KIF21A: variants seen among roughly 807,000 people sequenced by gnomAD.
KIF21A encodes the protein kinesin-like protein KIF21A.
In KIF21A, 114 loss-of-function variants were observed where a neutral mutation model predicts 202.9. That is an observed-to-expected ratio of 0.56 (90% CI 0.48 to 0.66). KIF21A has a LOEUF of 0.66. Ranked by LOEUF, KIF21A falls within the 30% of genes least tolerant of loss-of-function variation. The pLI is 0.00. For missense variants in KIF21A, 1,677 were observed against 1,994.9 expected (o/e 0.84, Z 3.04); for synonymous variants, 667 against 670.8 (o/e 0.99, Z 0.09).
Position 39,395,542 on chromosome 12 carries a change from T to TA in KIF21A, c.45-25282dup, listed in dbSNP as rs1951677670. 5.3e-5 allele frequency among the ~76,000 whole-genome samples: 8 copies of TA among 152,280 alleles called. No individual in the cohort carries two copies. The South Asian group carries it at 1.7e-3, about 32-fold the overall frequency. On this transcript the variant is annotated intron_variant, in intron 1 of 37. Coordinates refer to ENST00000361418, the MANE Select transcript of KIF21A (RefSeq NM_001173464.2). The stretch of plus-strand genomic sequence containing the variant: ...CGACCATAACCTATGTCCTCAGTTA[T>TA]AAAAATCACCCACTTTCAGCCGGGC...
In KIF21A at chr12:39,304,861, T is replaced by C; in HGVS notation, c.4520A>G (p.Gln1507Arg). Reference sequence around the variant, plus strand: ...CTTGGAGCCAGTGATGATTAGATCTTGTCCACTGGAAATCTGATCCACAGT... The same window carrying C: ...CTTGGAGCCAGTGATGATTAGATCTCGTCCACTGGAAATCTGATCCACAGT... ...CLTVDQISSGQDLIITGSKDH... is the reference protein window; with the variant it reads ...CLTVDQISSGRDLIITGSKDH... Residue 1507 changes from glutamine to arginine, a missense_variant, in exon 35 of 38, where the codon CAA becomes CGA. Physicochemically the swap from Gln to Arg is conservative, Grantham distance 43. Coordinates refer to ENST00000361418, the MANE Select transcript of KIF21A (RefSeq NM_001173464.2). 6.2e-7 allele frequency: 1 copy of C among 1,606,602 alleles called. No homozygotes were observed. The highest frequency in any genetic ancestry group is 1.1e-5 in the South Asian group (1 of 90,768).
At chr12:39,347,872 T>C (rs1042661661) in intron 11 of KIF21A, among the ~76,000 whole-genome samples, 2 of 151,984 alleles carry the variant, frequency 1.3e-5, no homozygotes, top group Non-Finnish European at 2.9e-5. Flanking sequence ...TATCCAAAAA[T>C]ATGGGATTTA....
chr12:39,438,639 T>C (rs551838979), intron 1 of KIF21A, among the ~76,000 whole-genome samples: 3 of 152,294 alleles, frequency 2.0e-5, no homozygotes, highest in African/African-American at 7.2e-5. Context: ...AAACTCACTG[T>C]CAAGGATAGG....
intron 6 of KIF21A, among the ~76,000 whole-genome samples, chr12:39,363,500 G>A (rs1317784530): frequency 6.6e-6 from 1 of 152,030 alleles, no homozygotes; most frequent in African/African-American, 2.4e-5. Context: ...AATTATCAGA[G>A]CATCAGGTTA....
At chr12:39,349,182 T>C (rs1565899515) in intron 11 of KIF21A, among the ~76,000 whole-genome samples, 1 of 152,060 alleles carries the variant, frequency 6.6e-6, no homozygotes, top group African/African-American at 2.4e-5. Flanking sequence ...CCTACACCCA[T>C]GAGAGGGAAA....
intron 37 of KIF21A, among the ~76,000 whole-genome samples, chr12:39,299,853 G>A (rs1244465261): frequency 2.0e-5 from 3 of 152,084 alleles, no homozygotes; most frequent in African/African-American, 7.2e-5. Flanking sequence ...TGCAGAAACA[G>A]AGAACCAAAT....
chr12:39,416,895 A>G (rs140049123), intron 1 of KIF21A, among the ~76,000 whole-genome samples: 1,562 of 148,380 alleles, frequency 0.011, 24 homozygotes, highest in African/African-American at 0.024. Flanking sequence ...ATATATGTGT[A>G]TATATATATG....
chr12:39,348,410 G>C (rs556177450), intron 11 of KIF21A, among the ~76,000 whole-genome samples: 1 of 152,024 alleles, frequency 6.6e-6, no homozygotes, highest in Non-Finnish European at 1.5e-5. Context: ...AGCACAAAAA[G>C]GTAGAAGAGC....
intron 37 of KIF21A, 122 bp from the exon 38 acceptor site, chr12:39,294,639 A>G (rs1029535274): frequency 1.1e-5 from 8 of 729,734 alleles, no homozygotes; most frequent in Non-Finnish European, 1.7e-5. Context: ...CCAAGTATAA[A>G]TATGCATTGT....
Position 39,442,854 on chromosome 12 carries a change from C to A in KIF21A, c.44+73G>T. ...TCGCTCCACCCCGGTAGCCGGTGCTCCGCGCCACAGCCAGGTCCTTGCCGC... is the reference window on the plus strand; with the variant it reads ...TCGCTCCACCCCGGTAGCCGGTGCTACGCGCCACAGCCAGGTCCTTGCCGC... On this transcript the variant is annotated intron_variant, in intron 1 of 37. Transcript: ENST00000361418. The surrounding 1 kb of genome is among the most constrained non-coding windows in gnomAD (Gnocchi z 5.0). 1 of 1,502,524 alleles carries A rather than the reference C, an allele frequency of 6.7e-7. No individual in the cohort carries two copies. Among genetic ancestry groups the A allele is most frequent in the South Asian group, 1.2e-5 (1 of 82,092 alleles). The allele number at this position is 1,502,524 out of a possible 1,614,324, so 93.1% of individuals were successfully genotyped here. A position where few individuals can be genotyped will look rare whatever the true frequency, so the allele number is the denominator to read the frequency against.
chr12:39,305,696 G>A (rs1033123275), intron 34 of KIF21A, among the ~76,000 whole-genome samples: 3 of 152,142 alleles, frequency 2.0e-5, no homozygotes, highest in Non-Finnish European at 4.4e-5. Flanking sequence ...TGCAAAAAAT[G>A]ATTAATTTTA....
intron 3 of KIF21A, among the ~76,000 whole-genome samples, chr12:39,369,170 T>A (rs958437681): frequency 6.6e-6 from 1 of 152,132 alleles, no homozygotes; most frequent in African/African-American, 2.4e-5. Context: ...TATCTATTGA[T>A]AAAAATAAGT....
intron 1 of KIF21A, among the ~76,000 whole-genome samples, chr12:39,401,690 G>A (rs576934726): frequency 2.0e-5 from 3 of 152,270 alleles, no homozygotes; most frequent in East Asian, 1.9e-4. Context: ...AACATCTATC[G>A]AAGGCATGTC....
intron 35 of KIF21A, among the ~76,000 whole-genome samples, 200 bp from the exon 36 acceptor site, chr12:39,303,335 G>T (rs1398104415): frequency 2.6e-5 from 4 of 151,770 alleles, no homozygotes; most frequent in Non-Finnish European, 5.9e-5. Flanking sequence ...TGTTTCCCAG[G>T]CTGGAGTGCA....
intron 1 of KIF21A, among the ~76,000 whole-genome samples, chr12:39,372,838 C>A (rs1950045844): frequency 6.6e-6 from 1 of 152,106 alleles, no homozygotes; most frequent in African/African-American, 2.4e-5. Flanking sequence ...TTAGGAAAAA[C>A]CACCATCTTG....
chr12:39,396,247 T>C (rs1406250205), intron 1 of KIF21A, among the ~76,000 whole-genome samples: 8 of 152,218 alleles, frequency 5.3e-5, no homozygotes, highest in Non-Finnish European at 7.3e-5. Context: ...TACTTTAAAA[T>C]GCTTTTTGGT....
chr12:39,315,741 C>A (rs943604420), intron 30 of KIF21A, 191 bp downstream of exon 30: 24 of 642,346 alleles, frequency 3.7e-5, no homozygotes, highest in Non-Finnish European at 5.4e-5. Flanking sequence ...ACAAAAAAAA[C>A]CACTACTTTA....
chr12:39,307,445 C>G (rs1055863724), intron 34 of KIF21A, 120 bp downstream of exon 34: 2 of 844,530 alleles, frequency 2.4e-6, no homozygotes, highest in Non-Finnish European at 1.9e-6. Flanking sequence ...AATAAAAAAG[C>G]CTATGATTTT....
chr12:39,340,195 C>A lies in KIF21A; in HGVS notation c.2280G>T (p.Gln760His). Residue 760 changes from glutamine to histidine, a missense_variant, in exon 16 of 38, where the codon CAG becomes CAT. Gln to His is a conservative substitution (Grantham distance 24, BLOSUM62 0). This residue lies in a region of KIF21A where 966 missense variants were observed against 1,180.9 expected (regional missense o/e 0.82). Coordinates refer to ENST00000361418, the MANE Select transcript of KIF21A (RefSeq NM_001173464.2). ...SQYEKQLKKL[Q>H]QDVMEMKKTK... ...TTTTTTTCATTTCCATCACATCCTG[C>A]TGCAATTTCTTCAATTGCTTTTCAT... The A allele has an allele frequency of 6.2e-7, 1 of 1,612,728 alleles. No homozygotes were observed. Among genetic ancestry groups the A allele is most frequent in the Non-Finnish European group, 8.5e-7 (1 of 1,179,342 alleles).
Sources: allele counts gnomAD v4.1 joint callset (sites outside exome capture counted in the v4.1 genomes callset), GRCh38; gene constraint gnomAD v4.1.1; regional missense constraint gnomAD v4.1.1; non-coding constraint Gnocchi (gnomAD v3.1); transcripts MANE v1.5; gene names NCBI Gene and HGNC (gene_info 2026-07-23, HGNC 2026-07-21).